The following STOX2 variants were observed in gnomAD, a reference collection of about 807,000 sequenced individuals.
The protein encoded by STOX2 is storkhead-box protein 2.
In STOX2, 28 loss-of-function variants were observed where a neutral mutation model predicts 60.9. The ratio of observed to expected loss-of-function variants is 0.46; its 90% CI spans 0.34 to 0.63. STOX2 has a LOEUF of 0.63. STOX2 is among the 30% of genes least tolerant of loss of function. The probability of loss-of-function intolerance (pLI) is 0.01; values close to 1 mark genes in which losing one functional copy is unlikely to be tolerated. For synonymous variants in STOX2, 472 were observed against 463.9 expected (o/e 1.02, Z -0.22); for missense variants, 1,024 against 1,187.7 (o/e 0.86, Z 2.03).
At chr4:183,992,466 A>G (rs1733153362) in intron 1 of STOX2, among the ~76,000 whole-genome samples, 1 of 152,232 alleles carries the variant, frequency 6.6e-6, no homozygotes, top group South Asian at 2.1e-4. Flanking sequence ...TCTAATGTCT[A>G]GTGTTAGGCC....
intron 1 of STOX2, among the ~76,000 whole-genome samples, chr4:183,845,155 G>C (rs183657186): frequency 2.6e-4 from 39 of 152,278 alleles, no homozygotes; most frequent in Non-Finnish European, 8.8e-5. Flanking sequence ...ACAGTAATAC[G>C]TACAATCACA....
At chr4:183,930,198 C>G (rs1166751647) in intron 1 of STOX2, among the ~76,000 whole-genome samples, 1 of 148,100 alleles carries the variant, frequency 6.8e-6, no homozygotes, top group Non-Finnish European at 1.5e-5. Flanking sequence ...CAGGGTCTTA[C>G]CCTGTCATCC....
At position 184,010,264 on chromosome 4, in the gene STOX2, G is replaced by A. The variant is rs759557248; in HGVS notation, c.1426G>A (p.Asp476Asn). ...GCACCGAAGCCACAGCCATACACAG[G>A]ACCGGAGGTCCAGGAATGAGAGATC... The part of the protein sequence containing the change: ...KVHRSHSHTQ[D>N]RRSRNERSNK... The change falls in exon 3 of 4, where the codon GAC (aspartate) becomes AAC (asparagine). Residue 476 changes from aspartate to asparagine, a missense_variant. Transcript: ENST00000308497. This position sits in a 1 kb window ranked among gnomAD's most constrained non-coding sequence, Gnocchi z 4.5. 1 of 1,574,414 alleles carries A rather than the reference G, an allele frequency of 6.4e-7. No homozygotes were observed.
At chr4:183,884,304 T>C (rs1579372392) in intron 1 of STOX2, among the ~76,000 whole-genome samples, 1 of 35,600 alleles carries the variant, frequency 2.8e-5, no homozygotes, top group Admixed American at 3.7e-4. Context: ...TTGTCTCTAA[T>C]TTTTTTTTTT....
chr4:183,889,391 C>T (rs1027984490), intron 1 of STOX2, among the ~76,000 whole-genome samples: 6 of 152,108 alleles, frequency 3.9e-5, no homozygotes, highest in African/African-American at 1.4e-4. Context: ...AGGCCAGGGG[C>T]AGGGCATGGG....
At chr4:183,841,003 G>A (rs1739845337) in intron 1 of STOX2, among the ~76,000 whole-genome samples, 1 of 152,076 alleles carries the variant, frequency 6.6e-6, no homozygotes, top group African/African-American at 2.4e-5. Context: ...GAGTAGCTGG[G>A]ATTACAGGTG....
chr4:183,983,793 A>G (rs1189420117), intron 1 of STOX2, among the ~76,000 whole-genome samples: 1 of 152,044 alleles, frequency 6.6e-6, no homozygotes, highest in Non-Finnish European at 1.5e-5. Context: ...TTTTTAATTG[A>G]TTAATTTTTA....
intron 1 of STOX2, among the ~76,000 whole-genome samples, chr4:183,956,231 C>A (rs1344346146): frequency 6.6e-6 from 1 of 152,194 alleles, no homozygotes; most frequent in Non-Finnish European, 1.5e-5. Context: ...ATTTGAGAGA[C>A]TTTGCAGCCT....
chr4:183,923,352 G>A (rs552553436), intron 1 of STOX2, among the ~76,000 whole-genome samples: 1 of 152,286 alleles, frequency 6.6e-6, no homozygotes, highest in Non-Finnish European at 1.5e-5. Flanking sequence ...AGTCATGTAT[G>A]TTATGAAGTA....
Position 183,825,937 on chromosome 4 carries a change from C to T in STOX2, c.364+27882C>T, listed in dbSNP as rs530299411. ...GGGTCGTTGGCTGTGAGCTGAAAAT[C>T]GACACCATTTGCAGTCGCTGAAACC... On this transcript the variant is annotated intron_variant, in intron 1 of 2. Coordinates refer to the STOX2 transcript ENST00000513034. The surrounding 1 kb of genome is among the most constrained non-coding windows in gnomAD (Gnocchi z 4.1). Among the ~76,000 whole-genome samples, 7 of 152,114 alleles carry T rather than the reference C, an allele frequency of 4.6e-5. No homozygotes were observed. The highest frequency in any genetic ancestry group is 2.1e-4 in the South Asian group (1 of 4,824).
intron 1 of STOX2, among the ~76,000 whole-genome samples, chr4:183,829,654 G>A (rs909241595): frequency 6.6e-6 from 1 of 152,168 alleles, no homozygotes; most frequent in African/African-American, 2.4e-5. Flanking sequence ...ATGGGCCAAG[G>A]CCTTCAATTC....
chr4:183,911,567 C>A (rs1741782815), intron 1 of STOX2, among the ~76,000 whole-genome samples: 1 of 152,120 alleles, frequency 6.6e-6, no homozygotes, highest in Non-Finnish European at 1.5e-5. Flanking sequence ...AAAAGGTCAC[C>A]TCTCTTGATA....
At position 183,811,966 on chromosome 4, in the gene STOX2, C is replaced by CTG. The variant is rs541471235; in HGVS notation, c.364+13912_364+13913insGT. Among the ~76,000 whole-genome samples, 10 of 126,070 alleles carry CTG rather than the reference C, an allele frequency of 7.9e-5. No individual in the cohort carries two copies. The South Asian group carries it at 2.7e-3, about 34-fold the overall frequency. The allele number at this position is 126,070 out of a possible 152,430, so 82.7% of individuals were successfully genotyped here. A position where few individuals can be genotyped will look rare whatever the true frequency, so the allele number is the denominator to read the frequency against. Reference sequence around the variant, plus strand: ...TTTTTTTTTTTGAGACAGGGTCTCACTCTCACCCAGGCTAGGGTGCAGTGG... The same window carrying CTG: ...TTTTTTTTTTTGAGACAGGGTCTCACTGTCTCACCCAGGCTAGGGTGCAGTGG... On this transcript the variant is annotated intron_variant, in intron 1 of 2. Transcript: ENST00000513034.
chr4:183,872,200 G>A (rs894022355), intron 1 of STOX2, among the ~76,000 whole-genome samples: 3 of 151,998 alleles, frequency 2.0e-5, no homozygotes, highest in Admixed American at 1.3e-4. Flanking sequence ...GATTACAGGC[G>A]CCCACAATCA....
intron 1 of STOX2, among the ~76,000 whole-genome samples, chr4:183,866,382 G>A (rs1740568049): frequency 6.6e-6 from 1 of 152,150 alleles, no homozygotes; most frequent in African/African-American, 2.4e-5. Context: ...TGTTCTCCAT[G>A]GAGAACCTGT....
chr4:183,910,790 A>T (rs1478414721), intron 1 of STOX2, among the ~76,000 whole-genome samples: 1 of 152,214 alleles, frequency 6.6e-6, no homozygotes, highest in Non-Finnish European at 1.5e-5. Context: ...AAAAGCCCTA[A>T]ACTGACATTG....
intron 1 of STOX2, among the ~76,000 whole-genome samples, chr4:183,850,098 G>A (rs548024996): frequency 1.3e-5 from 2 of 151,908 alleles, no homozygotes; most frequent in Non-Finnish European, 1.5e-5. Flanking sequence ...CAAGTAATTG[G>A]GATTACAGGC....
At chr4:183,928,099 T>C (rs1021357174) in intron 1 of STOX2, among the ~76,000 whole-genome samples, 1 of 152,246 alleles carries the variant, frequency 6.6e-6, no homozygotes, top group Non-Finnish European at 1.5e-5. Flanking sequence ...TGGTTCCATT[T>C]TGCATTGTTT....
chr4:183,880,418 C>G (rs1467500354), intron 1 of STOX2, among the ~76,000 whole-genome samples: 1 of 152,122 alleles, frequency 6.6e-6, no homozygotes, highest in African/African-American at 2.4e-5. Context: ...ACCAACCAAC[C>G]AACTGATCAA....
Sources: gnomAD v4.1 joint callset for allele counts (sites outside exome capture counted in the v4.1 genomes callset) on GRCh38, gnomAD v4.1.1 for gene constraint, Gnocchi (gnomAD v3.1) non-coding constraint, MANE v1.5 for transcripts, NCBI Gene and HGNC (gene_info 2026-07-23, HGNC 2026-07-21) for gene names.